The following GALNT12 variants were observed in gnomAD, a reference collection of about 807,000 sequenced individuals.
GALNT12 encodes polypeptide N-acetylgalactosaminyltransferase 12, also known as UDP-GalNAc:polypeptide N-acetylgalactosaminyltransferase 12.
A neutral mutation model predicts 55.5 loss-of-function variants in GALNT12; 45 were observed. The ratio of observed to expected loss-of-function variants is 0.81; its 90% CI spans 0.64 to 1.04. The LOEUF (loss-of-function observed/expected upper bound fraction) is 1.04, where lower values mean the gene tolerates loss of function less well. Among genes scored for constraint, GALNT12 ranks in the 50% least tolerant of loss-of-function variants. GALNT12 has a pLI of 0.00. For missense variants in GALNT12, 709 were observed against 754.8 expected (o/e 0.94, Z 0.71); for synonymous variants, 304 against 312.2 (o/e 0.97, Z 0.28).
chr9:98,835,179 G>A (rs758202088), intron 4 of GALNT12, 70 bp from the exon 5 acceptor site: 109 of 1,023,134 alleles, frequency 1.1e-4, no homozygotes, highest in Non-Finnish European at 1.6e-4. Flanking sequence ...GCTCGTGGTG[G>A]GAAGGTAGTT....
At chr9:98,832,426 G>A (rs965466090) in intron 4 of GALNT12, among the ~76,000 whole-genome samples, 1 of 152,182 alleles carries the variant, frequency 6.6e-6, no homozygotes, top group Non-Finnish European at 1.5e-5. Context: ...GGCTGAGATA[G>A]GAGGATCGCT....
At position 98,816,817 on chromosome 9, in the gene GALNT12, ATT is replaced by A. The variant is rs35357602; in HGVS notation, c.372-6417_372-6416del. The stretch of plus-strand genomic sequence containing the variant: ...AGGTGTGTGCCACCATGTCCAGCTA[ATT>A]TTTTTTTTTTTTTTTTTTTTTGAGA... On this transcript the variant is annotated intron_variant, in intron 1 of 9. Coordinates refer to ENST00000375011, the MANE Select transcript of GALNT12 (RefSeq NM_024642.5). Among the ~76,000 whole-genome samples the A allele has an allele frequency of 3.4e-3, 246 of 73,110 alleles. 1 individual carries two copies. Among genetic ancestry groups the A allele is most frequent in the South Asian group, 0.015 (30 of 2,068 alleles). The allele number at this position is 73,110 out of a possible 152,430, so 48.0% of individuals were successfully genotyped here.
chr9:98,843,079 G>A (rs907912848), intron 7 of GALNT12, among the ~76,000 whole-genome samples: 19 of 152,124 alleles, frequency 1.2e-4, no homozygotes, highest in Non-Finnish European at 1.3e-4. Flanking sequence ...AAGGAAATTC[G>A]TATTTTTGAG....
In GALNT12 at chr9:98,842,071, G is replaced by T. The variant is rs554397962; in HGVS notation, c.1344+1938G>T. Among the ~76,000 whole-genome samples the T allele has an allele frequency of 3.7e-3, 553 of 149,538 alleles. 2 individuals carry two copies. Among genetic ancestry groups the T allele is most frequent in the Non-Finnish European group, 4.4e-3 (299 of 67,216 alleles). On this transcript the variant is annotated intron_variant, in intron 7 of 9. Coordinates refer to ENST00000375011, the MANE Select transcript of GALNT12 (RefSeq NM_024642.5). Reference sequence around the variant, plus strand: ...TTCCTCCAGTTGTATCTACTGGGTTGTTTTTTTTTTTGTTGTGGCTCATTG... The same window carrying T: ...TTCCTCCAGTTGTATCTACTGGGTTTTTTTTTTTTTTGTTGTGGCTCATTG...
At chr9:98,810,296 G>T (rs1306269359) in intron 1 of GALNT12, among the ~76,000 whole-genome samples, 1 of 152,114 alleles carries the variant, frequency 6.6e-6, no homozygotes, top group African/African-American at 2.4e-5. Context: ...GGAGCATCTA[G>T]TCTAACCAGA....
Position 98,849,218 on chromosome 9 carries a change from A to G in GALNT12, c.*126A>G. ...GCTGCATTGCTTTGAAGAGGCAATC[A>G]TTTTGCCATTTGTGAAAGTTGTGTT... On this transcript the variant is annotated 3_prime_UTR_variant, in exon 10 of 10. Coordinates refer to ENST00000375011, the MANE Select transcript of GALNT12 (RefSeq NM_024642.5). The G allele has an allele frequency of 1.1e-6, 1 of 895,796 alleles. No homozygotes were observed. The highest frequency in any genetic ancestry group is 2.5e-5 in the East Asian group (1 of 40,254). 55.5% of individuals were successfully genotyped at this position (895,796 alleles called of 1,614,324 possible). A position where few individuals can be genotyped will look rare whatever the true frequency, so the allele number is the denominator to read the frequency against.
At chr9:98,809,580 A>C (rs1835449532) in intron 1 of GALNT12, among the ~76,000 whole-genome samples, 1 of 152,232 alleles carries the variant, frequency 6.6e-6, no homozygotes. Context: ...AACTCATAAA[A>C]GTGAGTCTCC....
intron 8 of GALNT12, among the ~76,000 whole-genome samples, chr9:98,845,247 A>T (rs1377866519): frequency 1.3e-5 from 2 of 152,112 alleles, no homozygotes; most frequent in African/African-American, 2.4e-5. Flanking sequence ...TTCAGGAGAT[A>T]ATGGTGTGAC....
intron 3 of GALNT12, among the ~76,000 whole-genome samples, chr9:98,827,430 A>C (rs149048346): frequency 6.6e-6 from 1 of 151,578 alleles, no homozygotes; most frequent in African/African-American, 2.4e-5. Flanking sequence ...CAAACTCCTG[A>C]CCTCAAACTC....
At chr9:98,833,290 G>A (rs755638409) in intron 4 of GALNT12, among the ~76,000 whole-genome samples, 2 of 152,182 alleles carry the variant, frequency 1.3e-5, no homozygotes, top group Non-Finnish European at 2.9e-5. Flanking sequence ...TCTGAGTTTT[G>A]CGTCCACATT....
Position 98,808,042 on chromosome 9 carries a change from G to T in GALNT12, c.344G>T (p.Arg115Leu). The T allele has an allele frequency of 6.3e-7, 1 of 1,580,358 alleles. No individual in the cohort carries two copies. ...IYLSDRISLH[R>L]RLPERWNPLC... ...CTCAGCGACCGCATCTCACTGCACCGCCGCCTGCCCGAGCGCTGGAACCCG... is the reference window on the plus strand; with the variant it reads ...CTCAGCGACCGCATCTCACTGCACCTCCGCCTGCCCGAGCGCTGGAACCCG... The change falls in exon 1 of 10, where the codon CGC becomes CTC. Residue 115 changes from arginine (R) to leucine (L), a missense_variant. Arg to Leu is a moderately radical substitution (Grantham distance 102). Transcript: ENST00000375011.
intron 1 of GALNT12, among the ~76,000 whole-genome samples, chr9:98,808,675 C>T (rs182660283): frequency 6.6e-6 from 1 of 152,306 alleles, no homozygotes; most frequent in East Asian, 1.9e-4. Flanking sequence ...CGTGATCCAC[C>T]CCAGCTCACT....
intron 1 of GALNT12, among the ~76,000 whole-genome samples, chr9:98,818,906 T>C (rs1835674291): frequency 6.6e-6 from 1 of 152,172 alleles, no homozygotes; most frequent in South Asian, 2.1e-4. Context: ...AGCCAAGATG[T>C]CACTTGGGAC....
At chr9:98,834,278 C>CCAGCTATAATG (rs1344711387) in intron 4 of GALNT12, among the ~76,000 whole-genome samples, 1 of 152,072 alleles carries the variant, frequency 6.6e-6, no homozygotes, top group East Asian at 1.9e-4. Flanking sequence ...GCCACCACAC[C>CCAGCTATAATG]CAGCTAATTT....
chr9:98,840,442 C>G (rs993308016), intron 7 of GALNT12, among the ~76,000 whole-genome samples: 3 of 152,200 alleles, frequency 2.0e-5, no homozygotes, highest in African/African-American at 7.2e-5. Context: ...CATATTACTT[C>G]TAGTCTCAAT....
At chr9:98,817,452 T>C (rs1161488187) in intron 1 of GALNT12, among the ~76,000 whole-genome samples, 1 of 152,152 alleles carries the variant, frequency 6.6e-6, no homozygotes, top group African/African-American at 2.4e-5. Flanking sequence ...TGTTTCTTTT[T>C]GTTTTTTTGT....
rs192374382 is a variant in GALNT12, at chr9:98,821,659, A to C, written c.372-1597A>C. ...AAAAGAAAGAAATTTCTAATAGTAA[A>C]ATAAAAGAGGAAAAAACAAATACTT... On this transcript the variant is annotated intron_variant, in intron 1 of 9. Coordinates refer to ENST00000375011, the MANE Select transcript of GALNT12 (RefSeq NM_024642.5). 6.9e-4 allele frequency among the ~76,000 whole-genome samples: 105 copies of C among 151,198 alleles called. 1 individual carries two copies. Among genetic ancestry groups the C allele is most frequent in the African/African-American group, 2.5e-3 (102 of 41,386 alleles).
Position 98,821,770 on chromosome 9 carries a change from C to T in GALNT12, c.372-1486C>T, listed in dbSNP as rs376814243. 1.2e-4 allele frequency among the ~76,000 whole-genome samples: 18 copies of T among 152,296 alleles called. No individual in the cohort carries two copies. The East Asian group carries it at 3.1e-3, about 26-fold the overall frequency. ...AATGTCACTTCCTCTAAGTGCCCCTCCCAGATTACCTGTCCTATAGTTGCT... is the reference window on the plus strand; with the variant it reads ...AATGTCACTTCCTCTAAGTGCCCCTTCCAGATTACCTGTCCTATAGTTGCT... On this transcript the variant is annotated intron_variant, in intron 1 of 9. Coordinates refer to ENST00000375011, the MANE Select transcript of GALNT12 (RefSeq NM_024642.5).
In GALNT12 at chr9:98,835,284, G is replaced by T; in HGVS notation, c.953G>T (p.Ser318Ile). The T allele has an allele frequency of 6.2e-7, 1 of 1,614,064 alleles. No individual in the cohort carries two copies. The highest frequency in any genetic ancestry group is 8.5e-7 in the Non-Finnish European group (1 of 1,179,900). Residue 318 changes from serine (S) to isoleucine (I), a missense_variant, in exon 5 of 10, where the codon AGT becomes ATT. Physicochemically the swap from Ser to Ile is moderately radical, Grantham distance 142. Coordinates refer to ENST00000375011, the MANE Select transcript of GALNT12 (RefSeq NM_024642.5). ...PTMAGGLFAV[S>I]KKYFEYLGSY... ...ATGGCTGGTGGGCTGTTTGCTGTGA[G>T]TAAGAAATATTTTGAATATCTGGGG...
Sources: gnomAD v4.1 joint callset for allele counts (sites outside exome capture counted in the v4.1 genomes callset) on GRCh38, gnomAD v4.1.1 for gene constraint, MANE v1.5 for transcripts, NCBI Gene and HGNC (gene_info 2026-07-23, HGNC 2026-07-21) for gene names.